Variants in FARP1 observed in about 807,000 individuals in gnomAD.
The protein encoded by FARP1 is FERM, ARH/RhoGEF and pleckstrin domain protein 1.
FARP1 carries 52 observed loss-of-function variants against 128.8 expected under a neutral mutation model. The ratio of observed to expected loss-of-function variants is 0.40; its 90% CI spans 0.32 to 0.51. The LOEUF is 0.51. Ranked by LOEUF, FARP1 falls within the 20% of genes least tolerant of loss-of-function variation. The pLI, the probability that FARP1 is intolerant of heterozygous loss-of-function variation, is 0.45. For synonymous variants in FARP1, 580 were observed against 551.8 expected (o/e 1.05, Z -0.72); for missense variants, 1,333 against 1,367.9 (o/e 0.97, Z 0.40).
At chr13:98,348,154 A>C (rs1048567785) in intron 3 of FARP1, among the ~76,000 whole-genome samples, 17 of 152,258 alleles carry the variant, frequency 1.1e-4, no homozygotes, top group African/African-American at 4.1e-4. Context: ...TTCTACCCTT[A>C]ATTAGACTTG....
intron 2 of FARP1, among the ~76,000 whole-genome samples, chr13:98,300,498 G>A (rs1339956626): frequency 1.3e-5 from 2 of 152,136 alleles, no homozygotes; most frequent in East Asian, 3.8e-4. Context: ...TGATTTCCAG[G>A]GAAAATGTTA....
chr13:98,438,715 C>T (rs942976710), intron 19 of FARP1, 89 bp from the exon 20 acceptor site: 13 of 1,071,070 alleles, frequency 1.2e-5, no homozygotes, highest in Non-Finnish European at 1.7e-5. Flanking sequence ...TCAGGGGCTA[C>T]AAATTTAGCC....
At chr13:98,256,953 A>ATATATATATATATATATATGTATG (rs1566801038) in intron 2 of FARP1, among the ~76,000 whole-genome samples, 2 of 48,908 alleles carry the variant, frequency 4.1e-5, no homozygotes, top group Non-Finnish European at 6.7e-5. Flanking sequence ...ATGTGGATAT[A>ATATATATATATATATATATGTATG]TATATATATA....
chr13:98,298,730 C>G (rs1885803178), intron 2 of FARP1, among the ~76,000 whole-genome samples: 1 of 152,080 alleles, frequency 6.6e-6, no homozygotes, highest in South Asian at 2.1e-4. Context: ...CCCTGGCCTT[C>G]TAGGAGCTTA....
At chr13:98,400,818 G>C (rs188210706) in intron 13 of FARP1, 179 of 152,242 alleles carry the variant, frequency 1.2e-3, no homozygotes, top group African/African-American at 4.2e-3. Flanking sequence ...CTATTCTATT[G>C]CTGCTAAATT....
chr13:98,236,372 T>G (rs9582203), intron 2 of FARP1, among the ~76,000 whole-genome samples: 2 of 152,112 alleles, frequency 1.3e-5, no homozygotes, highest in Non-Finnish European at 2.9e-5. Flanking sequence ...TCTAGTAATA[T>G]GATACCTGCT....
chr13:98,344,303 A>G (rs1196459827), intron 3 of FARP1, among the ~76,000 whole-genome samples: 1 of 152,148 alleles, frequency 6.6e-6, no homozygotes, highest in Non-Finnish European at 1.5e-5. Flanking sequence ...AGGGGCTGGC[A>G]GGAGCTGGAT....
chr13:98,379,874 C>T (rs1183081171), intron 6 of FARP1, among the ~76,000 whole-genome samples: 1 of 152,084 alleles, frequency 6.6e-6, no homozygotes, highest in Non-Finnish European at 1.5e-5. Context: ...GAATATGGAA[C>T]CCACAGATAG....
chr13:98,331,227 T>C (rs1887496835), intron 2 of FARP1, among the ~76,000 whole-genome samples: 1 of 152,238 alleles, frequency 6.6e-6, no homozygotes, highest in Non-Finnish European at 1.5e-5. Context: ...TTGGATATGC[T>C]TTATGTATAC....
intron 2 of FARP1, among the ~76,000 whole-genome samples, chr13:98,218,530 A>C (rs1191445323): frequency 6.6e-6 from 1 of 152,190 alleles, no homozygotes. Context: ...CAGATGGTAA[A>C]ATCTTTGAGG....
intron 19 of FARP1, 46 bp from the exon 20 acceptor site, chr13:98,438,758 G>A: frequency 6.5e-7 from 1 of 1,532,222 alleles, no homozygotes; most frequent in Non-Finnish European, 9.0e-7. Flanking sequence ...TCAGCCCTTG[G>A]GGTCCGCACG....
Position 98,176,030 on chromosome 13 carries a change from A to T in FARP1, c.-24+32538A>T. The T allele has an allele frequency of 1.2e-6, 1 of 833,494 alleles. No homozygotes were observed. The highest frequency in any genetic ancestry group is 2.0e-6 in the Non-Finnish European group (1 of 511,038). 51.6% of individuals were successfully genotyped at this position (833,494 alleles called of 1,614,324 possible). On this transcript the variant is annotated intron_variant, in intron 1 of 26. Coordinates refer to ENST00000319562, the MANE Select transcript of FARP1 (RefSeq NM_005766.4). This position sits in a 1 kb window ranked among gnomAD's most constrained non-coding sequence, Gnocchi z 6.2. Reference sequence around the variant, plus strand: ...TTCTGCAGTGAACATGGGAGTGCACATACCTCTTTGAGATCCGGATTTCAA... The same window carrying T: ...TTCTGCAGTGAACATGGGAGTGCACTTACCTCTTTGAGATCCGGATTTCAA...
intron 2 of FARP1, among the ~76,000 whole-genome samples, chr13:98,275,961 C>T (rs36120981): frequency 0.16 from 24,443 of 152,150 alleles, 2,153 homozygotes; most frequent in Non-Finnish European, 0.2. Flanking sequence ...TGACAAAGGT[C>T]GGCGGGGGTA....
chr13:98,448,381 T>C lies in FARP1; in HGVS notation c.*64T>C. ...GGAAGACGTTTCCTTTCTTCTGTATTAATGAAGCCTGGTAAAATTAACACC... is the reference window on the plus strand; with the variant it reads ...GGAAGACGTTTCCTTTCTTCTGTATCAATGAAGCCTGGTAAAATTAACACC... On this transcript the variant is annotated 3_prime_UTR_variant, in exon 27 of 27. Transcript: ENST00000319562. 2 of 1,258,910 alleles carry C rather than the reference T, an allele frequency of 1.6e-6. No individual in the cohort carries two copies. Among genetic ancestry groups the C allele is most frequent in the Non-Finnish European group, 2.3e-6 (2 of 858,504 alleles). The allele number at this position is 1,258,910 out of a possible 1,614,324, so 78.0% of individuals were successfully genotyped here.
chr13:98,175,052 A>G (rs1344422736), intron 1 of FARP1, among the ~76,000 whole-genome samples: 7 of 152,182 alleles, frequency 4.6e-5, no homozygotes, highest in Admixed American at 3.9e-4. Context: ...AGTTGCTTGC[A>G]TAGCCGACTG....
chr13:98,329,784 C>T (rs1225188753), intron 2 of FARP1: 1 of 152,138 alleles, frequency 6.6e-6, no homozygotes, highest in African/African-American at 2.4e-5. Context: ...TTATTTTATT[C>T]ATTCAGCAAA....
chr13:98,295,046 TACACAC>T (rs746373395), intron 2 of FARP1, among the ~76,000 whole-genome samples: 8,390 of 108,064 alleles, frequency 0.078, 391 homozygotes, highest in Admixed American at 0.11. Context: ...ATATATATAT[TACACAC>T]ACACACACAC....
At chr13:98,384,456 G>A in intron 6 of FARP1, 1 of 442,914 alleles carries the variant, frequency 2.3e-6, no homozygotes, top group Non-Finnish European at 4.1e-6. Flanking sequence ...GACTCCCAAA[G>A]TGCTGAGATT....
intron 2 of FARP1, among the ~76,000 whole-genome samples, chr13:98,339,722 G>A (rs1216008443): frequency 5.3e-5 from 8 of 152,076 alleles, no homozygotes; most frequent in Admixed American, 4.6e-4. Context: ...AAAATTTGGT[G>A]CCAAAGAAAA....
Sources: allele counts gnomAD v4.1 joint callset (sites outside exome capture counted in the v4.1 genomes callset), GRCh38; gene constraint gnomAD v4.1.1; non-coding constraint Gnocchi (gnomAD v3.1); transcripts MANE v1.5; gene names NCBI Gene and HGNC (gene_info 2026-07-23, HGNC 2026-07-21).